Variants in ARHGEF7 observed in about 807,000 individuals in gnomAD.
ARHGEF7 encodes the protein PAK-interacting exchange factor beta.
A neutral mutation model predicts 109.8 loss-of-function variants in ARHGEF7; 33 were observed. The observed-to-expected ratio is 0.30, with a 90% CI of 0.23 to 0.40. The LOEUF (loss-of-function observed/expected upper bound fraction) is 0.40, where lower values mean the gene tolerates loss of function less well. ARHGEF7 is among the 10% of genes least tolerant of loss of function. The pLI is 1.00. For synonymous variants in ARHGEF7, 458 were observed against 424.6 expected (o/e 1.08, Z -0.97); for missense variants, 938 against 1,098.5 (o/e 0.85, Z 2.07).
intron 19 of ARHGEF7, among the ~76,000 whole-genome samples, chr13:111,295,916 C>T (rs571742788): frequency 2.0e-5 from 3 of 152,318 alleles, no homozygotes; most frequent in South Asian, 4.1e-4. Context: ...GCCAGATAGA[C>T]AGGTGTTCTC....
At position 111,115,538 on chromosome 13, in the gene ARHGEF7, C is replaced by T; in HGVS notation, c.12C>T (p.Ala4=). The T allele has an allele frequency of 7.2e-7, 1 of 1,388,706 alleles. No individual in the cohort carries two copies. Among genetic ancestry groups the T allele is most frequent in the Non-Finnish European group, 9.5e-7 (1 of 1,051,686 alleles). 86.0% of individuals were successfully genotyped at this position (1,388,706 alleles called of 1,614,324 possible). The change falls in exon 1 of 22, where the codon GCC becomes GCT. Residue 4 remains alanine (A), a synonymous_variant. Transcript: ENST00000646102. Reference sequence around the variant, plus strand: ...CCCGGGCCGCAGCGATGAATTCCGCCGAGCAAACCGTTACGTGGCTCATCA... The same window carrying T: ...CCCGGGCCGCAGCGATGAATTCCGCTGAGCAAACCGTTACGTGGCTCATCA... MNS[A]EQTVTWLITL...
intron 5 of ARHGEF7, among the ~76,000 whole-genome samples, chr13:111,231,309 AGATTGGTTTTCCTCCTTGTAGCT>A (rs1429692987): frequency 2.6e-5 from 4 of 152,240 alleles, no homozygotes; most frequent in Non-Finnish European, 4.4e-5. Context: ...TAGCAAGAAT[AGATTGGTTTTCCTCCTTGTAGCT>A]CTTACAGTGT....
At chr13:111,279,766 T>G (rs775790108) in intron 13 of ARHGEF7, among the ~76,000 whole-genome samples, 4 of 152,242 alleles carry the variant, frequency 2.6e-5, no homozygotes, top group Admixed American at 2.6e-4. Flanking sequence ...GTGTGCAGCA[T>G]TTAGCACAAC....
intron 2 of ARHGEF7, among the ~76,000 whole-genome samples, chr13:111,195,612 G>C (rs980124252): frequency 6.6e-6 from 1 of 152,188 alleles, no homozygotes; most frequent in South Asian, 2.1e-4. Context: ...CTTGCTCTGG[G>C]CACCGTCAGT....
chr13:111,156,007 C>A (rs1321218638), intron 2 of ARHGEF7, among the ~76,000 whole-genome samples: 15 of 150,470 alleles, frequency 1.0e-4, no homozygotes, highest in Non-Finnish European at 1.5e-5. Flanking sequence ...ATCCCTTGAA[C>A]CCCGGAGGCA....
Position 111,303,195 on chromosome 13 carries a change from GACCACAGGGCAGGGCTGGGT to G in ARHGEF7, c.*83_*102del. The G allele has an allele frequency of 1.6e-6, 1 of 611,382 alleles. No individual in the cohort carries two copies. 37.9% of individuals were successfully genotyped at this position (611,382 alleles called of 1,614,324 possible). ...CTGACCCAAGTCGGGGTGCACTCAG[GACCACAGGGCAGGGCTGGGT>G]GGGGCGCCACCTTGCTCTCTGTATA... On this transcript the variant is annotated 3_prime_UTR_variant, in exon 22 of 22. Transcript: ENST00000646102.
intron 1 of ARHGEF7, 76 bp from the exon 2 acceptor site, chr13:111,153,829 G>A (rs546401468): frequency 2.6e-6 from 4 of 1,534,878 alleles, no homozygotes; most frequent in Admixed American, 2.0e-5. Flanking sequence ...AGCGCGGGCC[G>A]TGGGCGTCGC....
rs548443997 is a variant in ARHGEF7, at chr13:111,297,750, C to T, written c.2312-2998C>T. ...GGCCTCACAACTCCCGTACGGAAGT[C>T]GACCCCGTGTCTGACCCATTTCTTT... On this transcript the variant is annotated intron_variant, in intron 19 of 21. Transcript: ENST00000646102. Among the ~76,000 whole-genome samples the T allele has an allele frequency of 4.6e-5, 7 of 152,292 alleles. No homozygotes were observed. In the South Asian group the frequency reaches 1.2e-3, roughly 27 times the overall value.
intron 2 of ARHGEF7, among the ~76,000 whole-genome samples, chr13:111,200,141 C>A (rs990232528): frequency 6.6e-6 from 1 of 152,130 alleles, no homozygotes; most frequent in African/African-American, 2.4e-5. Flanking sequence ...TCACCTCTCT[C>A]GGCCCCTAGA....
rs1276822028 is a variant in ARHGEF7, at chr13:111,303,273, A to G, written c.*160A>G. 1 of 648,458 alleles carries G rather than the reference A, an allele frequency of 1.5e-6. No homozygotes were observed. The highest frequency in any genetic ancestry group is 2.5e-6 in the Non-Finnish European group (1 of 400,010). 40.2% of individuals were successfully genotyped at this position (648,458 alleles called of 1,614,324 possible). A position where few individuals can be genotyped will look rare whatever the true frequency, so the allele number is the denominator to read the frequency against. On this transcript the variant is annotated 3_prime_UTR_variant, in exon 22 of 22. Transcript: ENST00000646102. The stretch of plus-strand genomic sequence containing the variant: ...GCTGGAGCTTATTCTGCGAATGGAG[A>G]CGATCAAACCATGACTGATGAATCC...
At chr13:111,190,898 G>A (rs1283909563) in intron 2 of ARHGEF7, among the ~76,000 whole-genome samples, 4 of 152,200 alleles carry the variant, frequency 2.6e-5, no homozygotes, top group African/African-American at 9.7e-5. Context: ...TAGAGTACTT[G>A]CCAAGGTAGC....
chr13:111,195,909 T>C (rs1233660402), intron 2 of ARHGEF7, among the ~76,000 whole-genome samples: 2 of 152,222 alleles, frequency 1.3e-5, no homozygotes, highest in East Asian at 1.9e-4. Context: ...CTTTTGGGCC[T>C]ATTCCTCTTG....
At chr13:111,249,440 A>G (rs921693681) in intron 8 of ARHGEF7, among the ~76,000 whole-genome samples, 9 of 151,740 alleles carry the variant, frequency 5.9e-5, no homozygotes, top group African/African-American at 2.2e-4. Flanking sequence ...GGGAAAGAAC[A>G]AGCAGGAGGG....
At chr13:111,245,894 A>G (rs1176209306) in intron 8 of ARHGEF7, among the ~76,000 whole-genome samples, 4 of 152,264 alleles carry the variant, frequency 2.6e-5, no homozygotes, top group Admixed American at 1.3e-4. Flanking sequence ...GTATAACCAC[A>G]TTTATTTAAG....
chr13:111,202,741 A>G (rs1253873031), intron 2 of ARHGEF7, among the ~76,000 whole-genome samples: 1 of 152,236 alleles, frequency 6.6e-6, no homozygotes, highest in Non-Finnish European at 1.5e-5. Context: ...CCATAGTACA[A>G]AATTTCTCTG....
chr13:111,220,395 G>A (rs951650528), intron 5 of ARHGEF7, among the ~76,000 whole-genome samples: 1 of 152,180 alleles, frequency 6.6e-6, no homozygotes, highest in Non-Finnish European at 1.5e-5. Context: ...GTGAATCCTG[G>A]ACTGACTCTG....
intron 8 of ARHGEF7, among the ~76,000 whole-genome samples, chr13:111,265,333 C>G (rs371141025): frequency 2.0e-5 from 3 of 152,162 alleles, no homozygotes; most frequent in African/African-American, 7.2e-5. Context: ...TTTTGAGCCT[C>G]GGTTAACAGT....
chr13:111,210,967 T>TA (rs1843450112), intron 4 of ARHGEF7, among the ~76,000 whole-genome samples: 1 of 152,208 alleles, frequency 6.6e-6, no homozygotes, highest in Non-Finnish European at 1.5e-5. Context: ...GGAAATAAAT[T>TA]ACAGTGGTTT....
chr13:111,178,711 G>C (rs9522150), intron 2 of ARHGEF7, among the ~76,000 whole-genome samples: 60,869 of 152,164 alleles, frequency 0.4, 12,632 homozygotes, highest in Middle Eastern at 0.46. Context: ...GGAAAAGGCA[G>C]GGAGGAAGCC....
Sources: gnomAD v4.1 joint callset for allele counts (sites outside exome capture counted in the v4.1 genomes callset) on GRCh38, gnomAD v4.1.1 for gene constraint, MANE v1.5 for transcripts, NCBI Gene and HGNC (gene_info 2026-07-23, HGNC 2026-07-21) for gene names.